The following CAST variants were observed in gnomAD, a reference collection of about 807,000 sequenced individuals.
CAST encodes calpastatin, also known as MIR583 host.
CAST carries 76 observed loss-of-function variants against 119.6 expected under a neutral mutation model. That is an observed-to-expected ratio of 0.64 (90% CI 0.53 to 0.77). The LOEUF (loss-of-function observed/expected upper bound fraction) is 0.77, where lower values mean the gene tolerates loss of function less well. Among genes scored for constraint, CAST ranks in the 30% least tolerant of loss-of-function variants. CAST has a pLI of 0.00. For synonymous variants in CAST, 319 were observed against 331.6 expected, an observed-to-expected ratio of 0.96 and a Z score of 0.41; for missense variants, 953 against 946.5, an observed-to-expected ratio of 1.01 and a Z score of -0.09.
At chr5:96,632,790 A>C (rs375820388) in intron 1 of CAST, among the ~76,000 whole-genome samples, 1 of 152,184 alleles carries the variant, frequency 6.6e-6, no homozygotes, top group African/African-American at 2.4e-5. Flanking sequence ...CCATTGGTCT[A>C]TATTTCTATC....
At chr5:96,065,401 C>CTGTGTG in the CAST span, among the ~76,000 whole-genome samples, 25 of 149,280 alleles carry the variant, frequency 1.7e-4, no homozygotes, top group South Asian at 4.3e-4. Flanking sequence ...GGTTAATGAT[C>CTGTGTG]TGTGTGTGTG....
At chr5:96,044,870 GTATATAA>G in the CAST span, among the ~76,000 whole-genome samples, 1 of 152,278 alleles carries the variant, frequency 6.6e-6, no homozygotes, top group South Asian at 2.1e-4. Flanking sequence ...TTACTAAAGA[GTATATAA>G]TATATAATTC....
At chr5:96,330,499 A>C in the CAST span, among the ~76,000 whole-genome samples, 1 of 152,200 alleles carries the variant, frequency 6.6e-6, no homozygotes, top group East Asian at 1.9e-4. Context: ...CACCTTTTCA[A>C]TAGCTCGTCG....
At chr5:96,763,666 AT>A (rs1409026306) in intron 25 of CAST, among the ~76,000 whole-genome samples, 1 of 152,232 alleles carries the variant, frequency 6.6e-6, no homozygotes, top group Non-Finnish European at 1.5e-5. Context: ...TTAGATAAAA[AT>A]ATTAGGAAAT....
At position 96,560,031 on chromosome 5, in the gene CAST, G is replaced by T. The variant is rs186226156; in HGVS notation, c.60+30151G>T. Among the ~76,000 whole-genome samples, 997 of 152,182 alleles carry T rather than the reference G, an allele frequency of 6.6e-3. 13 individuals carry two copies. Among genetic ancestry groups the T allele is most frequent in the African/African-American group, 0.022 (929 of 41,494 alleles). Reference sequence around the variant, plus strand: ...AGATATAGACCAATGGAACAGAATAGAGCCCTCAGAAATAATGCCACATAT... The same window carrying T: ...AGATATAGACCAATGGAACAGAATATAGCCCTCAGAAATAATGCCACATAT... On this transcript the variant is annotated intron_variant, in intron 1 of 11. Coordinates refer to the CAST transcript ENST00000505143.
chr5:96,191,911 G>T, the CAST span, among the ~76,000 whole-genome samples: 2 of 152,102 alleles, frequency 1.3e-5, no homozygotes, highest in Non-Finnish European at 2.9e-5. Flanking sequence ...TTTAAGAAGA[G>T]TCAAAAAACA....
At chr5:96,183,160 A>AAATAATAATAATAATAAT in the CAST span, among the ~76,000 whole-genome samples, 1 of 143,270 alleles carries the variant, frequency 7.0e-6, no homozygotes, top group Non-Finnish European at 1.5e-5. Context: ...AAAATAAATA[A>AAATAATAATAATAATAAT]AATAATAATA....
intron 2 of CAST, among the ~76,000 whole-genome samples, chr5:96,682,892 C>T (rs984483443): frequency 6.6e-6 from 1 of 152,126 alleles, no homozygotes; most frequent in Non-Finnish European, 1.5e-5. Flanking sequence ...TTTACCTCCA[C>T]CCCCAAGAAG....
chr5:96,639,998 C>T (rs529996024), intron 1 of CAST, among the ~76,000 whole-genome samples: 15 of 152,154 alleles, frequency 9.9e-5, no homozygotes, highest in African/African-American at 3.6e-4. Context: ...TGATGTTTTC[C>T]TGAGTAAACC....
At chr5:96,352,992 A>AAATT in the CAST span, among the ~76,000 whole-genome samples, 1 of 152,134 alleles carries the variant, frequency 6.6e-6, no homozygotes, top group African/African-American at 2.4e-5. Context: ...TTTTCCTTAT[A>AAATT]AATTACCCAG....
At chr5:96,488,311 G>A in the CAST span, among the ~76,000 whole-genome samples, 166 of 152,130 alleles carry the variant, frequency 1.1e-3, no homozygotes, top group Non-Finnish European at 1.9e-3. Context: ...CTTCCTGCAT[G>A]ATAAAAAGTC....
intron 16 of CAST, chr5:96,743,702 G>A: frequency 6.2e-7 from 1 of 1,611,476 alleles, no homozygotes; most frequent in Non-Finnish European, 8.5e-7. Context: ...TTGTGACGGT[G>A]AACGCAGAGG....
At chr5:96,766,810 G>A (rs556763554) in intron 27 of CAST, among the ~76,000 whole-genome samples, 3 of 152,238 alleles carry the variant, frequency 2.0e-5, no homozygotes, top group South Asian at 4.1e-4. Flanking sequence ...AAGAAACAAG[G>A]AAGACCAAAT....
chr5:96,765,417 G>A, intron 26 of CAST, 92 bp downstream of exon 26: 2 of 664,566 alleles, frequency 3.0e-6, no homozygotes, highest in South Asian at 1.9e-5. Flanking sequence ...GAATATTGAT[G>A]TGAACTTAAC....
the CAST span, among the ~76,000 whole-genome samples, chr5:96,168,468 G>A: frequency 3.3e-5 from 5 of 152,266 alleles, no homozygotes; most frequent in Admixed American, 1.3e-4. Flanking sequence ...AAATATTGAC[G>A]CGTAATTCCT....
At chr5:96,220,028 T>C in the CAST span, among the ~76,000 whole-genome samples, 3 of 152,116 alleles carry the variant, frequency 2.0e-5, no homozygotes, top group African/African-American at 7.2e-5. Context: ...CTTTCTTCCT[T>C]GTTGTTAAAG....
chr5:96,110,563 A>C, the CAST span, among the ~76,000 whole-genome samples: 1 of 152,184 alleles, frequency 6.6e-6, no homozygotes, highest in Non-Finnish European at 1.5e-5. Flanking sequence ...ACATTTATAT[A>C]ACTTCAGTCT....
chr5:96,104,822 G>T, the CAST span, among the ~76,000 whole-genome samples: 1 of 88,844 alleles, frequency 1.1e-5, no homozygotes, highest in African/African-American at 4.7e-5. Context: ...AAATTACCTT[G>T]GGCAGTATGG....
the CAST span, among the ~76,000 whole-genome samples, chr5:95,968,303 G>T: frequency 6.6e-6 from 1 of 152,144 alleles, no homozygotes; most frequent in East Asian, 1.9e-4. Context: ...CTAGCATATT[G>T]ACTTTAATGA....
Sources: gnomAD v4.1 joint callset for allele counts (sites outside exome capture counted in the v4.1 genomes callset) on GRCh38, gnomAD v4.1.1 for gene constraint, MANE v1.5 for transcripts, NCBI Gene and HGNC (gene_info 2026-07-23, HGNC 2026-07-21) for gene names.